MCTP1: variants seen among roughly 807,000 people sequenced by gnomAD.
MCTP1 encodes the protein multiple C2 and transmembrane domain containing 1.
In MCTP1, 69 loss-of-function variants were observed where a neutral mutation model predicts 120.6. The ratio of observed to expected loss-of-function variants is 0.57; its 90% CI spans 0.47 to 0.70. The LOEUF (loss-of-function observed/expected upper bound fraction) is 0.70, where lower values mean the gene tolerates loss of function less well. Ranked by LOEUF, MCTP1 falls within the 30% of genes least tolerant of loss-of-function variation. The probability of loss-of-function intolerance (pLI) is 0.00; values close to 1 mark genes in which losing one functional copy is unlikely to be tolerated. For missense variants in MCTP1, 1,203 were observed against 1,248.8 expected (o/e 0.96, Z 0.55); for synonymous variants, 529 against 493.1 (o/e 1.07, Z -0.96).
At chr5:95,228,118 T>C (rs762415223) in intron 1 of MCTP1, among the ~76,000 whole-genome samples, 1 of 152,130 alleles carries the variant, frequency 6.6e-6, no homozygotes, top group Non-Finnish European at 1.5e-5. Flanking sequence ...ACCTCAGGAA[T>C]AAAATGATGT....
chr5:95,127,388 A>G (rs1044826408), intron 1 of MCTP1, among the ~76,000 whole-genome samples: 2 of 152,184 alleles, frequency 1.3e-5, no homozygotes, highest in African/African-American at 2.4e-5. Flanking sequence ...CTGACACAGG[A>G]CAGACCTGCA....
chr5:94,711,046 C>A, intron 20 of MCTP1, 119 bp from the exon 21 acceptor site: 2 of 726,874 alleles, frequency 2.8e-6, no homozygotes, highest in Non-Finnish European at 2.4e-6. Context: ...GAATAGATTC[C>A]AATTGTAATA....
chr5:95,001,875 G>A (rs542518920), intron 2 of MCTP1, among the ~76,000 whole-genome samples: 11 of 152,246 alleles, frequency 7.2e-5, no homozygotes, highest in Admixed American at 1.3e-4. Context: ...GGGAAATGTC[G>A]ACAGGGCATG....
chr5:95,180,122 T>C (rs1748443671), intron 1 of MCTP1, among the ~76,000 whole-genome samples: 1 of 152,176 alleles, frequency 6.6e-6, no homozygotes, highest in South Asian at 2.1e-4. Flanking sequence ...CATATGCACC[T>C]AACACTGGAG....
intron 6 of MCTP1, 64 bp from the exon 7 acceptor site, chr5:94,924,085 T>C: frequency 1.1e-6 from 1 of 946,714 alleles, no homozygotes; most frequent in Non-Finnish European, 1.5e-6. Flanking sequence ...ATATTGTAAA[T>C]ACAAACAAAT....
At chr5:95,061,432 T>TGG (rs1749152879) in intron 1 of MCTP1, among the ~76,000 whole-genome samples, 2 of 64,832 alleles carry the variant, frequency 3.1e-5, no homozygotes, top group South Asian at 6.1e-4. Context: ...TTTTTTTTTT[T>TGG]TTTTTTTTTT....
At chr5:95,166,944 T>A (rs1746473472) in intron 1 of MCTP1, among the ~76,000 whole-genome samples, 1 of 148,648 alleles carries the variant, frequency 6.7e-6, no homozygotes, top group African/African-American at 2.5e-5. Flanking sequence ...TACTTTAAGT[T>A]CTAGGGTGCA....
chr5:94,760,575 G>A (rs1580528382), intron 19 of MCTP1, among the ~76,000 whole-genome samples: 1 of 152,260 alleles, frequency 6.6e-6, no homozygotes, highest in South Asian at 2.1e-4. Flanking sequence ...CACATAACAT[G>A]CCAAACATTG....
chr5:94,825,250 A>G (rs2153119895), intron 17 of MCTP1, among the ~76,000 whole-genome samples: 1 of 152,204 alleles, frequency 6.6e-6, no homozygotes, highest in East Asian at 1.9e-4. Flanking sequence ...CTTTGTTCTC[A>G]TTGGTTTCAA....
At chr5:95,155,998 C>T (rs887181396) in intron 1 of MCTP1, among the ~76,000 whole-genome samples, 1 of 152,158 alleles carries the variant, frequency 6.6e-6, no homozygotes, top group African/African-American at 2.4e-5. Context: ...CCTGAGGTGG[C>T]CTCTAGGAGC....
At chr5:95,165,365 A>T (rs1746205947) in intron 1 of MCTP1, among the ~76,000 whole-genome samples, 1 of 152,296 alleles carries the variant, frequency 6.6e-6, no homozygotes, top group Admixed American at 6.5e-5. Flanking sequence ...TTTTATTAGC[A>T]GTGTACAATC....
chr5:94,708,595 TA>T lies in MCTP1; in HGVS notation c.2844del (p.Phe948LeufsTer35). ...YIVLVWGINK[F>X]TKKLRSPYAI... ...GCATATGGACTCCGAAGCTTTTTTGTAAATTTATTGATGCCTGAAACAAAGT... is the reference window on the plus strand; with the variant it reads ...GCATATGGACTCCGAAGCTTTTTTGTAATTTATTGATGCCTGAAACAAAGT... On this transcript the variant is annotated frameshift_variant, in exon 22 of 23. Transcript: ENST00000515393. LOFTEE classifies it high-confidence loss of function. 6.2e-7 allele frequency: 1 copy of T among 1,607,234 alleles called. No homozygotes were observed. Among genetic ancestry groups the T allele is most frequent in the Non-Finnish European group, 8.5e-7 (1 of 1,174,490 alleles).
chr5:95,084,216 A>G (rs150953512), intron 1 of MCTP1, among the ~76,000 whole-genome samples: 1 of 152,268 alleles, frequency 6.6e-6, no homozygotes, highest in Non-Finnish European at 1.5e-5. Context: ...TCTTTAGGTA[A>G]TTTGAAAAGA....
intron 1 of MCTP1, among the ~76,000 whole-genome samples, chr5:95,035,046 C>T (rs1184072811): frequency 1.3e-5 from 2 of 151,912 alleles, no homozygotes; most frequent in African/African-American, 4.8e-5. Context: ...GTCAGAATGA[C>T]TATTATTAAA....
intron 2 of MCTP1, among the ~76,000 whole-genome samples, chr5:94,987,161 A>AGAATG (rs1830568750): frequency 6.6e-6 from 1 of 152,248 alleles, no homozygotes; most frequent in South Asian, 2.1e-4. Flanking sequence ...GGAAAGGCTA[A>AGAATG]CTGTGTTGCA....
intron 1 of MCTP1, among the ~76,000 whole-genome samples, chr5:95,211,871 G>A (rs1024301583): frequency 6.6e-6 from 1 of 152,124 alleles, no homozygotes; most frequent in African/African-American, 2.4e-5. Context: ...TGTCCTTTCT[G>A]TTTGTTAGTT....
At chr5:94,968,960 A>G (rs1384461269) in intron 2 of MCTP1, among the ~76,000 whole-genome samples, 1 of 152,238 alleles carries the variant, frequency 6.6e-6, no homozygotes, top group African/African-American at 2.4e-5. Context: ...ATATTCAAGA[A>G]CAACCTTTCA....
chr5:94,748,154 T>G (rs139042602), intron 19 of MCTP1, among the ~76,000 whole-genome samples: 11 of 152,332 alleles, frequency 7.2e-5, no homozygotes, highest in African/African-American at 2.6e-4. Flanking sequence ...CCCAGATGAT[T>G]AGGTTTCTGT....
chr5:95,103,275 A>G (rs1008124150), intron 1 of MCTP1, among the ~76,000 whole-genome samples: 3 of 152,072 alleles, frequency 2.0e-5, no homozygotes, highest in Non-Finnish European at 4.4e-5. Context: ...TAAATTCTTT[A>G]CCTGAATTTT....
Sources: gnomAD v4.1 joint callset for allele counts (sites outside exome capture counted in the v4.1 genomes callset) on GRCh38, gnomAD v4.1.1 for gene constraint, MANE v1.5 for transcripts, NCBI Gene and HGNC (gene_info 2026-07-23, HGNC 2026-07-21) for gene names.